Variants in PLA2G4E observed in about 807,000 individuals in gnomAD.
PLA2G4E encodes cytosolic phospholipase A2 epsilon.
In PLA2G4E, 84 loss-of-function variants were observed where a neutral mutation model predicts 109.1. The ratio of observed to expected loss-of-function variants is 0.77; its 90% CI spans 0.65 to 0.92. The LOEUF (loss-of-function observed/expected upper bound fraction) is 0.92. Ranked by LOEUF, PLA2G4E falls within the 40% of genes least tolerant of loss-of-function variation. The pLI, the probability that PLA2G4E is intolerant of heterozygous loss-of-function variation, is 0.00. For missense variants in PLA2G4E, 1,057 were observed against 1,076.6 expected (o/e 0.98, Z 0.25); for synonymous variants, 469 against 436.1 (o/e 1.08, Z -0.94).
Position 41,985,860 on chromosome 15 carries a change from G to C in PLA2G4E, c.2181C>G (p.Tyr727Ter), listed in dbSNP as rs1479606672. The C allele has an allele frequency of 1.6e-5, 25 of 1,611,050 alleles. No homozygotes were observed. Among genetic ancestry groups the C allele is most frequent in the African/African-American group, 2.7e-5 (2 of 74,908 alleles). Reference sequence around the variant, plus strand: ...TTGCCTTTGTCTGGGACCCAGCACAGTAGTTGAGGTGGATGATGAGGTCGG... The same window carrying C: ...TTGCCTTTGTCTGGGACCCAGCACACTAGTTGAGGTGGATGATGAGGTCGG... Residue 727 changes from tyrosine to a stop codon, truncating the protein, a stop_gained, in exon 18 of 20, where the codon TAC (tyrosine) becomes TAG (stop). Coordinates refer to ENST00000399518, the Ensembl canonical transcript of PLA2G4E. LOFTEE classifies it high-confidence loss of function.
At chr15:42,013,662 A>G (rs758456402) in intron 2 of PLA2G4E, 23 bp downstream of exon 2, 4 of 1,543,904 alleles carry the variant, frequency 2.6e-6, no homozygotes, top group South Asian at 1.2e-5. Flanking sequence ...GCAGAGAAGG[A>G]GAGAAGTGAG....
At chr15:41,999,918 A>G (rs1463263526) in exon 9 of PLA2G4E, 1 of 1,608,360 alleles carries the variant, frequency 6.2e-7, no homozygotes, top group African/African-American at 1.3e-5. Context: ...GGCACTCACC[A>G]CAGGCAGGGT....
At chr15:42,020,621 T>C (rs186166638) in intron 1 of PLA2G4E, among the ~76,000 whole-genome samples, 1 of 110,042 alleles carries the variant, frequency 9.1e-6, no homozygotes, top group Admixed American at 8.5e-5. Flanking sequence ...TGGATCCCCC[T>C]GGCATACTCT....
At chr15:42,020,042 G>A (rs959550281) in intron 1 of PLA2G4E, among the ~76,000 whole-genome samples, 147 of 152,354 alleles carry the variant, frequency 9.6e-4, no homozygotes, top group African/African-American at 2.9e-3. Context: ...AAGTGCTGTG[G>A]GGAAACCAGG....
chr15:41,990,302 A>C lies in PLA2G4E; in HGVS notation c.1471-67T>G. 2.1e-6 allele frequency: 3 copies of C among 1,425,546 alleles called. No individual in the cohort carries two copies. The South Asian group carries it at 3.6e-5, about 17-fold the overall frequency. The allele number at this position is 1,425,546 out of a possible 1,614,324, so 88.3% of individuals were successfully genotyped here. A position where few individuals can be genotyped will look rare whatever the true frequency, so the allele number is the denominator to read the frequency against. ...AGGGTGAGGGAGGCAGTGCAGAATG[A>C]GAAGACAATCTGGACCCCCGCAGCC... On this transcript the variant is annotated intron_variant, in intron 13 of 19. Coordinates refer to ENST00000399518, the Ensembl canonical transcript of PLA2G4E.
In PLA2G4E at chr15:42,034,929, A is replaced by G. The variant is rs528132076; in HGVS notation, c.183+15592T>C. On this transcript the variant is annotated intron_variant, in intron 1 of 19. Transcript: ENST00000399518. ...TGAAATCAGCTTTAGTTACTCTGCC[A>G]CTTGCGCCTGAACAGAACTCCACAC... is the stretch of plus-strand genomic sequence containing the variant. Among the ~76,000 whole-genome samples, 12 of 152,338 alleles carry G rather than the reference A, an allele frequency of 7.9e-5. No homozygotes were observed. The South Asian group carries it at 2.5e-3, about 32-fold the overall frequency.
chr15:42,007,768 C>T lies in PLA2G4E; in HGVS notation c.354G>A (p.Trp118Ter). 6.2e-7 allele frequency: 1 copy of T among 1,612,730 alleles called. No homozygotes were observed. The highest frequency in any genetic ancestry group is 8.5e-7 in the Non-Finnish European group (1 of 1,179,388). ...GGATCTGGAAGTTGAAGCTTTCATT[C>T]CACTCTGGATTTGGGCAGTTGGAGA... Residue 118 changes from tryptophan (W) to a stop codon, truncating the protein, a stop_gained, in exon 3 of 20, where the codon TGG becomes TGA. Coordinates refer to ENST00000399518, the Ensembl canonical transcript of PLA2G4E. LOFTEE classifies it high-confidence loss of function.
intron 2 of PLA2G4E, 31 bp downstream of exon 2, chr15:42,013,654 A>AGAG (rs10625152): frequency 0.66 from 1,007,738 of 1,531,752 alleles, 334,769 homozygotes; most frequent in East Asian, 0.93. Flanking sequence ...TCCGGTAAGC[A>AGAG]GAGAAGGAGA....
rs1315336102 is a variant in PLA2G4E at position 41,997,198 on chromosome 15, G to A, written c.1036C>T (p.Gln346Ter). The A allele has an allele frequency of 3.2e-6, 5 of 1,554,978 alleles. No individual in the cohort carries two copies. In the South Asian group the frequency reaches 3.6e-5, roughly 11 times the overall value. ...TTGGCCACCACGACCTTCCGCTTCT[G>A]CAGAAACTCCAGCTCTGCTGGGCAC... Residue 346 changes from glutamine to a stop codon, truncating the protein, a stop_gained, in exon 11 of 20, where the codon CAG becomes TAG. Transcript: ENST00000399518. LOFTEE classifies it high-confidence loss of function.
In PLA2G4E at chr15:42,025,797, C is replaced by T. The variant is rs527793605; in HGVS notation, c.184-12040G>A. On this transcript the variant is annotated intron_variant, in intron 1 of 19. Coordinates refer to ENST00000399518, the Ensembl canonical transcript of PLA2G4E. ...TGAGATGACGGTGCTCCTGCTCTGTCAGAAAGGATGGACCATTCATTATTG... is the reference window on the plus strand; with the variant it reads ...TGAGATGACGGTGCTCCTGCTCTGTTAGAAAGGATGGACCATTCATTATTG... Among the ~76,000 whole-genome samples, 13 of 152,214 alleles carry T rather than the reference C, an allele frequency of 8.5e-5. No individual in the cohort carries two copies. The South Asian group carries it at 2.7e-3, about 32-fold the overall frequency.
chr15:42,043,199 C>T (rs1349029778), intron 1 of PLA2G4E, among the ~76,000 whole-genome samples: 1 of 152,174 alleles, frequency 6.6e-6, no homozygotes, highest in Non-Finnish European at 1.5e-5. Flanking sequence ...CAGAAGACAG[C>T]TTGCTCACCC....
At chr15:42,025,642 T>G (rs951504809) in intron 1 of PLA2G4E, among the ~76,000 whole-genome samples, 1 of 152,226 alleles carries the variant, frequency 6.6e-6, no homozygotes, top group Admixed American at 6.5e-5. Flanking sequence ...TACCTCCCTC[T>G]GTACCCAAGC....
chr15:42,030,615 T>A (rs538859507), intron 1 of PLA2G4E, among the ~76,000 whole-genome samples: 3 of 152,284 alleles, frequency 2.0e-5, no homozygotes, highest in Non-Finnish European at 4.4e-5. Context: ...GTGGCAGCCT[T>A]CATTCATTTC....
intron 15 of PLA2G4E, 85 bp downstream of exon 15, chr15:41,989,330 A>C: frequency 1.3e-6 from 2 of 1,549,206 alleles, no homozygotes; most frequent in Non-Finnish European, 1.8e-6. Flanking sequence ...AAGTGCCCCG[A>C]GTGTCACATA....
chr15:42,007,225 A>T (rs2068485891), intron 3 of PLA2G4E, among the ~76,000 whole-genome samples: 1 of 152,206 alleles, frequency 6.6e-6, no homozygotes, highest in Non-Finnish European at 1.5e-5. Context: ...CCCATGGGAG[A>T]TGTGAACTCA....
At chr15:42,040,811 C>G (rs1016777101) in intron 1 of PLA2G4E, among the ~76,000 whole-genome samples, 2 of 152,176 alleles carry the variant, frequency 1.3e-5, no homozygotes, top group African/African-American at 4.8e-5. Flanking sequence ...GCCTGGCTCT[C>G]AGATACTCTG....
chr15:41,998,519 G>C (rs1227519167), intron 10 of PLA2G4E: 1 of 152,100 alleles, frequency 6.6e-6, no homozygotes, highest in Non-Finnish European at 1.5e-5. Context: ...GCTTTTCCAA[G>C]GGCAAATAGC....
intron 17 of PLA2G4E, 144 bp from the exon 18 acceptor site, chr15:41,986,149 G>A (rs1219271571): frequency 1.3e-6 from 1 of 751,600 alleles, no homozygotes; most frequent in Non-Finnish European, 2.2e-6. Context: ...AGTGCCCTCT[G>A]GGTGGCTGAG....
intron 1 of PLA2G4E, among the ~76,000 whole-genome samples, chr15:42,020,551 C>T (rs1265822935): frequency 6.6e-6 from 1 of 152,268 alleles, no homozygotes; most frequent in African/African-American, 2.4e-5. Context: ...TCTTGCACAG[C>T]ATAGAAGCTT....
Sources: allele counts gnomAD v4.1 joint callset (sites outside exome capture counted in the v4.1 genomes callset), GRCh38; gene constraint gnomAD v4.1.1; transcripts MANE v1.5; gene names NCBI Gene and HGNC (gene_info 2026-07-23, HGNC 2026-07-21).